FRMD6: variants seen among roughly 807,000 people sequenced by gnomAD.
The protein encoded by FRMD6 is FERM domain containing 6, also known as FERM domain-containing protein 6.
A neutral mutation model predicts 73.2 loss-of-function variants in FRMD6; 37 were observed. That is an observed-to-expected ratio of 0.51 (90% CI 0.39 to 0.66). The LOEUF (loss-of-function observed/expected upper bound fraction) is 0.66, where lower values mean the gene tolerates loss of function less well. Ranked by LOEUF, FRMD6 falls within the 30% of genes least tolerant of loss-of-function variation. The pLI is 0.00. For missense variants in FRMD6, 714 were observed against 780.5 expected (o/e 0.91, Z 1.02); for synonymous variants, 273 against 282.2 (o/e 0.97, Z 0.33).
chr14:51,685,913 T>C (rs1273471529), intron 1 of FRMD6, among the ~76,000 whole-genome samples: 1 of 152,206 alleles, frequency 6.6e-6, no homozygotes, highest in Non-Finnish European at 1.5e-5. Flanking sequence ...AATTAGAAGA[T>C]AGGATTCTCT....
At chr14:51,575,595 T>C (rs17092902) in intron 2 of FRMD6, 3,625 of 152,328 alleles carry the variant, frequency 0.024, 129 homozygotes, top group African/African-American at 0.078. Flanking sequence ...GTCATAAATG[T>C]TTTCTTTTTG....
the FRMD6 span, among the ~76,000 whole-genome samples, chr14:51,404,471 T>C: frequency 5.8e-4 from 89 of 152,298 alleles, no homozygotes; most frequent in African/African-American, 2.0e-3. Context: ...TGTTTTCCTA[T>C]GTAACAGTCA....
the FRMD6 span, among the ~76,000 whole-genome samples, chr14:51,419,611 A>T: frequency 6.6e-6 from 1 of 152,266 alleles, no homozygotes; most frequent in Non-Finnish European, 1.5e-5. Flanking sequence ...TCCCAGCTTG[A>T]CTTTTCCACT....
intron 1 of FRMD6, among the ~76,000 whole-genome samples, chr14:51,508,485 C>G (rs1056688205): frequency 6.6e-6 from 1 of 152,212 alleles, no homozygotes. Flanking sequence ...CACTCAAGCC[C>G]CTGCTTGTCC....
chr14:51,687,249 T>C (rs1203179047), intron 1 of FRMD6, among the ~76,000 whole-genome samples: 1 of 152,186 alleles, frequency 6.6e-6, no homozygotes, highest in Non-Finnish European at 1.5e-5. Context: ...TACCCTGCTT[T>C]AATTGGTTTA....
the FRMD6 span, among the ~76,000 whole-genome samples, chr14:51,420,678 G>A: frequency 6.6e-6 from 1 of 152,094 alleles, no homozygotes; most frequent in African/African-American, 2.4e-5. Context: ...TATTTACATA[G>A]CATTTACATT....
chr14:51,597,646 T>C (rs1889792584), intron 2 of FRMD6, among the ~76,000 whole-genome samples: 1 of 152,232 alleles, frequency 6.6e-6, no homozygotes, highest in African/African-American at 2.4e-5. Flanking sequence ...GGTGCCTACT[T>C]GATAGGGCTG....
intron 2 of FRMD6, among the ~76,000 whole-genome samples, chr14:51,640,858 C>A (rs1268720663): frequency 6.6e-6 from 1 of 152,088 alleles, no homozygotes; most frequent in Non-Finnish European, 1.5e-5. Context: ...TACTAAACCA[C>A]TTAAAAATAA....
At chr14:51,599,058 C>CTTTTCTTTTTTTTTTTTTTTTTTTTTTTT (rs1158794443) in intron 2 of FRMD6, among the ~76,000 whole-genome samples, 1 of 72,824 alleles carries the variant, frequency 1.4e-5, no homozygotes. Flanking sequence ...CAGTATCTGT[C>CTTTTCTTTTTTTTTTTTTTTTTTTTTTTT]TTTTTTTTTT....
At chr14:51,559,917 A>G (rs183085781) in intron 1 of FRMD6, among the ~76,000 whole-genome samples, 81 of 152,346 alleles carry the variant, frequency 5.3e-4, no homozygotes, top group Non-Finnish European at 9.4e-4. Flanking sequence ...GAACTGGATG[A>G]CTTATAAAGC....
At chr14:51,593,688 T>C (rs1470275567) in intron 2 of FRMD6, among the ~76,000 whole-genome samples, 2 of 152,220 alleles carry the variant, frequency 1.3e-5, no homozygotes, top group Non-Finnish European at 2.9e-5. Context: ...CTGTCTTCTC[T>C]GCTGGAGTTC....
At chr14:51,611,231 C>A (rs752352337) in intron 2 of FRMD6, among the ~76,000 whole-genome samples, 6 of 152,134 alleles carry the variant, frequency 3.9e-5, no homozygotes, top group Non-Finnish European at 5.9e-5. Context: ...AATTTCTTAA[C>A]TTAAATTTCC....
At chr14:51,569,377 C>G (rs1366866853) in intron 1 of FRMD6, among the ~76,000 whole-genome samples, 4 of 152,008 alleles carry the variant, frequency 2.6e-5, no homozygotes, top group African/African-American at 4.8e-5. Flanking sequence ...AAAAATAGTG[C>G]CTTAACTTAG....
intron 1 of FRMD6, among the ~76,000 whole-genome samples, chr14:51,652,601 G>GA (rs2140099372): frequency 6.6e-6 from 1 of 152,380 alleles, no homozygotes; most frequent in South Asian, 2.1e-4. Context: ...CCGCGTCCCG[G>GA]AAAGTGCCTA....
chr14:51,623,467 A>G (rs917671138), intron 2 of FRMD6, among the ~76,000 whole-genome samples: 1 of 152,146 alleles, frequency 6.6e-6, no homozygotes, highest in Non-Finnish European at 1.5e-5. Context: ...TCTGCAAATT[A>G]CTCAGCTGTC....
rs1300917806 is a variant in FRMD6, at chr14:51,566,602, G to A, written c.-209-3746G>A. Among the ~76,000 whole-genome samples, 4 of 152,282 alleles carry A rather than the reference G, an allele frequency of 2.6e-5. No individual in the cohort carries two copies. In the East Asian group the frequency reaches 7.7e-4, roughly 29 times the overall value. ...AACTGAAAGAGTTAATGAAGCTCCA[G>A]CCTTCCTACACAGTAGCCAGGCAAT... On this transcript the variant is annotated intron_variant, in intron 1 of 14. Coordinates refer to the FRMD6 transcript ENST00000356218.
chr14:51,707,945 T>C (rs1414924845), intron 6 of FRMD6, 133 bp from the exon 7 acceptor site: 2 of 733,342 alleles, frequency 2.7e-6, no homozygotes, highest in East Asian at 2.7e-5. Flanking sequence ...GAAAACAGAA[T>C]GAATTTTCAA....
chr14:51,428,065 G>GAA, the FRMD6 span, among the ~76,000 whole-genome samples: 4 of 152,142 alleles, frequency 2.6e-5, no homozygotes, highest in African/African-American at 9.7e-5. Flanking sequence ...AGTAAGTCTG[G>GAA]GCTGTGGGAA....
intron 1 of FRMD6, among the ~76,000 whole-genome samples, chr14:51,665,518 C>G (rs12434533): frequency 1.3e-5 from 2 of 152,166 alleles, no homozygotes; most frequent in African/African-American, 4.8e-5. Context: ...CTTCTCCTTC[C>G]GCTGCGTCCG....
Sources: gnomAD v4.1 joint callset for allele counts (sites outside exome capture counted in the v4.1 genomes callset) on GRCh38, gnomAD v4.1.1 for gene constraint, MANE v1.5 for transcripts, NCBI Gene and HGNC (gene_info 2026-07-23, HGNC 2026-07-21) for gene names.